Variants in INTS9 observed in about 807,000 individuals in gnomAD.
INTS9 encodes the protein integrator complex subunit 9.
A neutral mutation model predicts 79.7 loss-of-function variants in INTS9; 55 were observed. The ratio of observed to expected loss-of-function variants is 0.69; its 90% CI spans 0.56 to 0.86. INTS9 has a LOEUF of 0.86. Among genes scored for constraint, INTS9 ranks in the 40% least tolerant of loss-of-function variants. The pLI, the probability that INTS9 is intolerant of heterozygous loss-of-function variation, is 0.00. For synonymous variants in INTS9, 319 were observed against 325.2 expected (o/e 0.98, Z 0.20); for missense variants, 721 against 831.5 (o/e 0.87, Z 1.64).
intron 1 of INTS9, among the ~76,000 whole-genome samples, chr8:28,860,888 T>C (rs1026651645): frequency 6.6e-6 from 1 of 152,384 alleles, no homozygotes; most frequent in East Asian, 1.9e-4. Context: ...AGGTATTTGT[T>C]GCTCTGTTGG....
chr8:28,804,571 A>T (rs1788410860), intron 8 of INTS9, among the ~76,000 whole-genome samples: 1 of 152,016 alleles, frequency 6.6e-6, no homozygotes, highest in South Asian at 2.1e-4. Flanking sequence ...CAAAGTGGTG[A>T]CAAGTCAGGG....
rs1257324389 is a variant in INTS9 at position 28,818,483 on chromosome 8, T to C, written c.489-4871A>G. 1.1e-4 allele frequency among the ~76,000 whole-genome samples: 16 copies of C among 152,354 alleles called. No individual in the cohort carries two copies. The East Asian group carries it at 3.1e-3, about 29-fold the overall frequency. On this transcript the variant is annotated intron_variant, in intron 6 of 16. Transcript: ENST00000521022. ...TGATTTGCGTATATTGAACCAGCCT[T>C]GCATCCCAGGGATGAAGCCCACTTG...
At chr8:28,823,180 T>C (rs778212413) in intron 6 of INTS9, among the ~76,000 whole-genome samples, 31 of 152,150 alleles carry the variant, frequency 2.0e-4, no homozygotes, top group African/African-American at 4.6e-4. Flanking sequence ...CCCTACAATA[T>C]GCCACTTCAG....
intron 1 of INTS9, chr8:28,862,198 C>A (rs1808499949): frequency 1.0e-6 from 1 of 985,344 alleles, no homozygotes; most frequent in South Asian, 4.7e-5. Flanking sequence ...ATATCATCTA[C>A]TGAGGGTTAT....
chr8:28,853,170 T>G (rs1585477231), intron 2 of INTS9, among the ~76,000 whole-genome samples: 1 of 152,156 alleles, frequency 6.6e-6, no homozygotes, highest in East Asian at 1.9e-4. Context: ...ATCCCAGCAC[T>G]TTGGGAGGCC....
chr8:28,774,484 A>G (rs769878934), intron 14 of INTS9, among the ~76,000 whole-genome samples: 8 of 152,212 alleles, frequency 5.3e-5, no homozygotes, highest in Non-Finnish European at 1.0e-4. Context: ...AAGGCCGTCA[A>G]TCCCAGCCCC....
In INTS9 at chr8:28,846,883, A is replaced by C. The variant is rs572700648; in HGVS notation, c.199-74T>G. 1.8e-5 allele frequency: 21 copies of C among 1,146,582 alleles called. No individual in the cohort carries two copies. In the African/African-American group the frequency reaches 3.2e-4, roughly 18 times the overall value. The allele number at this position is 1,146,582 out of a possible 1,614,324, so 71.0% of individuals were successfully genotyped here. A position where few individuals can be genotyped will look rare whatever the true frequency, so the allele number is the denominator to read the frequency against. On this transcript the variant is annotated intron_variant, in intron 3 of 16. Transcript: ENST00000521022. The stretch of plus-strand genomic sequence containing the variant: ...ACAGGACCAAAGAAATAAACTCCCC[A>C]AACAAAACTTTTCATGAAGAATCAT...
At chr8:28,817,918 T>C (rs1805593503) in intron 6 of INTS9, among the ~76,000 whole-genome samples, 1 of 151,198 alleles carries the variant, frequency 6.6e-6, no homozygotes, top group South Asian at 2.1e-4. Context: ...TTTGAAGCAA[T>C]TGTGAATGGG....
rs75130630 is a variant in INTS9, at chr8:28,795,247, C to A, written c.857-1260G>T. On this transcript the variant is annotated intron_variant, in intron 9 of 16. Transcript: ENST00000521022. ...CACAAGATTCTCATGTTGGCCTAACCCCCACTGTGATGGTACAGAGAGGCA... is the reference window on the plus strand; with the variant it reads ...CACAAGATTCTCATGTTGGCCTAACACCCACTGTGATGGTACAGAGAGGCA... 2.9e-3 allele frequency among the ~76,000 whole-genome samples: 448 copies of A among 152,160 alleles called. 20 individuals are homozygous for A. The East Asian group carries it at 0.08, about 27-fold the overall frequency.
At chr8:28,858,579 C>T (rs1808293939) in intron 2 of INTS9, among the ~76,000 whole-genome samples, 1 of 152,200 alleles carries the variant, frequency 6.6e-6, no homozygotes, top group South Asian at 2.1e-4. Context: ...GGAATTATCT[C>T]TGACTTTATC....
chr8:28,873,189 T>C (rs1436041227), intron 1 of INTS9, among the ~76,000 whole-genome samples: 1 of 152,230 alleles, frequency 6.6e-6, no homozygotes, highest in Non-Finnish European at 1.5e-5. Flanking sequence ...AACAACTATA[T>C]TGCCTGACAG....
chr8:28,783,870 G>C (rs1803436820), intron 11 of INTS9: 1 of 152,200 alleles, frequency 6.6e-6, no homozygotes, highest in East Asian at 1.9e-4. Flanking sequence ...TGTATCCTAA[G>C]ATGTCAAGAT....
intron 1 of INTS9, among the ~76,000 whole-genome samples, chr8:28,873,569 A>G (rs1809205425): frequency 6.6e-6 from 1 of 152,202 alleles, no homozygotes; most frequent in Admixed American, 6.5e-5. Context: ...TGGAGGGAAA[A>G]TTATTGACTG....
At chr8:28,882,536 AAAAAAAAAAAAG>A (rs1221249346) in intron 1 of INTS9, among the ~76,000 whole-genome samples, 14 of 144,570 alleles carry the variant, frequency 9.7e-5, no homozygotes, top group South Asian at 2.1e-4. Flanking sequence ...AACAGCTAAA[AAAAAAAAAAAAG>A]AAAAAAAAAA....
At chr8:28,889,820 G>A (rs1460705020) in intron 1 of INTS9, 54 bp downstream of exon 1, 2 of 1,605,514 alleles carry the variant, frequency 1.2e-6, no homozygotes, top group Non-Finnish European at 1.7e-6. Flanking sequence ...AAAAAAAGAG[G>A]TCCAAAAGGT....
chr8:28,816,423 G>A (rs1401956327), intron 6 of INTS9, among the ~76,000 whole-genome samples: 6 of 150,986 alleles, frequency 4.0e-5, no homozygotes, highest in South Asian at 2.1e-4. Flanking sequence ...TTGTTCTTGC[G>A]ATAGTTTACT....
chr8:28,829,888 C>T (rs546196751), intron 6 of INTS9, among the ~76,000 whole-genome samples: 30 of 152,276 alleles, frequency 2.0e-4, no homozygotes, highest in African/African-American at 6.7e-4. Context: ...TGGCCACGAT[C>T]GCTGGAGCTA....
Position 28,846,730 on chromosome 8 carries a change from A to G in INTS9, c.261+17T>C, listed in dbSNP as rs1340504067. ...TAATAAGGTTTGTTTCTACAATAAG[A>G]TTCACCTTAATCTTACCTCTGGTAA... On this transcript the variant is annotated intron_variant, in intron 4 of 16. Coordinates refer to ENST00000521022, the MANE Select transcript of INTS9 (RefSeq NM_018250.4). The G allele has an allele frequency of 6.3e-7, 1 of 1,590,116 alleles. No homozygotes were observed. Among genetic ancestry groups the G allele is most frequent in the African/African-American group, 1.3e-5 (1 of 74,558 alleles).
chr8:28,790,908 A>G (rs1018910290), intron 10 of INTS9, among the ~76,000 whole-genome samples: 6 of 152,216 alleles, frequency 3.9e-5, no homozygotes, highest in Admixed American at 6.5e-5. Flanking sequence ...GGCACCGTCA[A>G]TGCCCTCAGG....
Sources: gnomAD v4.1 joint callset for allele counts (sites outside exome capture counted in the v4.1 genomes callset) on GRCh38, gnomAD v4.1.1 for gene constraint, MANE v1.5 for transcripts, NCBI Gene and HGNC (gene_info 2026-07-23, HGNC 2026-07-21) for gene names.